Variants in SPG7 observed in about 807,000 individuals in gnomAD.
The protein encoded by SPG7 is SPG7 matrix AAA peptidase subunit, paraplegin.
In SPG7, 103 loss-of-function variants were observed where a neutral mutation model predicts 81.9. The ratio of observed to expected loss-of-function variants is 1.26; its 90% CI spans 1.07 to 1.48. The LOEUF (loss-of-function observed/expected upper bound fraction) is 1.48, where lower values mean the gene tolerates loss of function less well. Among genes scored for constraint, SPG7 ranks in the 40% most tolerant of loss-of-function variants. SPG7 has a pLI of 0.00. For missense variants in SPG7, 1,241 were observed against 1,087.3 expected, an observed-to-expected ratio of 1.14 and a Z score of -1.99; for synonymous variants, 534 against 444.2, an observed-to-expected ratio of 1.20 and a Z score of -2.54.
intron 5 of SPG7, chr16:89,528,986 A>AT: frequency 1.0e-5 from 2 of 191,966 alleles, no homozygotes; most frequent in South Asian, 9.0e-5. Flanking sequence ...TAATTTTTGT[A>AT]TTTTTTTAGT....
At chr16:89,534,252 A>G (rs1341781676) in intron 9 of SPG7, among the ~76,000 whole-genome samples, 2 of 152,094 alleles carry the variant, frequency 1.3e-5, no homozygotes, top group South Asian at 2.1e-4. Flanking sequence ...TTGGAGTCCT[A>G]CAGTGTCTGT....
chr16:89,544,187 C>G (rs1010874449), intron 9 of SPG7: 1 of 259,720 alleles, frequency 3.9e-6, no homozygotes, highest in Non-Finnish European at 7.6e-6. Context: ...TTTAAATTCT[C>G]CGATGACAAA....
In SPG7 at chr16:89,556,896, G is replaced by A. The variant is rs747521455; in HGVS notation, c.2191G>A (p.Ala731Thr). 2.8e-5 allele frequency: 45 copies of A among 1,613,536 alleles called. No homozygotes were observed. The highest frequency in any genetic ancestry group is 3.5e-5 in the Non-Finnish European group (41 of 1,179,648). Reference protein sequence around the residue: ...NLDKLQALANALLEKEVINYE... With the variant: ...NLDKLQALANTLLEKEVINYE... ...TGCCTGTTCTTTCTAGCTGGCAAAC[G>A]CCCTTCTGGAAAAGGAAGTGATAAA... Residue 731 changes from alanine to threonine, a missense_variant, in exon 17 of 17, where the codon GCC (alanine) becomes ACC (threonine). Coordinates refer to ENST00000645818, the MANE Select transcript of SPG7 (RefSeq NM_003119.4).
At chr16:89,515,958 C>G (rs879476931) in intron 3 of SPG7, among the ~76,000 whole-genome samples, 2 of 151,890 alleles carry the variant, frequency 1.3e-5, no homozygotes, top group African/African-American at 4.8e-5. Context: ...ATCTGCCCAT[C>G]TTGGCCTTCC....
chr16:89,554,387 G>A, intron 15 of SPG7, 99 bp from the exon 16 acceptor site: 2 of 812,386 alleles, frequency 2.5e-6, no homozygotes, highest in Non-Finnish European at 2.1e-6. Context: ...CTCCTGGGAG[G>A]GGAAAGGCCG....
At chr16:89,532,784 A>AG (rs2058363018) in intron 9 of SPG7, 148 bp downstream of exon 9, 1 of 966,310 alleles carries the variant, frequency 1.0e-6, no homozygotes, top group Non-Finnish European at 1.6e-6. Flanking sequence ...AAAAAAAAAA[A>AG]TAGAAATGTA....
At chr16:89,529,002 T>G in intron 5 of SPG7, 1 of 212,164 alleles carries the variant, frequency 4.7e-6, no homozygotes, top group South Asian at 6.9e-5. Context: ...TTAGTAGATA[T>G]GGGGTTTTAC....
At chr16:89,531,495 TCCC>T (rs753055556) in intron 7 of SPG7, 7 of 239,366 alleles carry the variant, frequency 2.9e-5, no homozygotes, top group Admixed American at 2.0e-4. Flanking sequence ...TGCCTCAGCC[TCCC>T]GAGTAGCAGG....
chr16:89,544,850 A>T, intron 10 of SPG7, 78 bp downstream of exon 10: 1 of 1,554,134 alleles, frequency 6.4e-7, no homozygotes, highest in Non-Finnish European at 8.8e-7. Flanking sequence ...CCTCTCCTCT[A>T]AGACACTTCT....
chr16:89,524,314 G>T, intron 4 of SPG7, 67 bp downstream of exon 4: 1 of 1,544,180 alleles, frequency 6.5e-7, no homozygotes, highest in South Asian at 1.2e-5. Context: ...GTGAGAGTGA[G>T]GCTGTGGGCT....
At chr16:89,551,601 G>C (rs2058634728) in intron 13 of SPG7, 1 of 152,226 alleles carries the variant, frequency 6.6e-6, no homozygotes, top group South Asian at 2.1e-4. Flanking sequence ...TGAACACGAC[G>C]TTTTAACACG....
At chr16:89,528,122 G>T (rs2152401227) in intron 5 of SPG7, among the ~76,000 whole-genome samples, 1 of 150,766 alleles carries the variant, frequency 6.6e-6, no homozygotes. Context: ...CGGGCGCGGT[G>T]GCTCACGCCT....
chr16:89,551,210 G>A (rs1049033591), intron 13 of SPG7: 3 of 175,652 alleles, frequency 1.7e-5, no homozygotes, highest in African/African-American at 7.1e-5. Context: ...GTCTCTACTC[G>A]GAACGCAGGT....
chr16:89,523,101 A>G (rs1207539585), intron 3 of SPG7: 1 of 157,156 alleles, frequency 6.4e-6, no homozygotes, highest in Non-Finnish European at 1.4e-5. Context: ...CTGAGAGCTA[A>G]GCATAATGCC....
chr16:89,545,818 C>A, intron 10 of SPG7: 1 of 395,664 alleles, frequency 2.5e-6, no homozygotes, highest in Non-Finnish European at 5.0e-6. Flanking sequence ...GCTTCATTAG[C>A]TATTCTGCTA....
Position 89,532,055 on chromosome 16 carries a change from A to T in SPG7, c.1139A>T (p.Glu380Val). The change falls in exon 8 of 17, where the codon GAG becomes GTG. Residue 380 changes from glutamate to valine, a missense_variant. Glu to Val is a moderately radical substitution (Grantham distance 121, BLOSUM62 -2). Coordinates refer to ENST00000645818, the MANE Select transcript of SPG7 (RefSeq NM_003119.4). ...FLAMAGPEFV[E>V]VIGGLGAARV... ...GCGATGGCCGGCCCAGAGTTCGTGG[A>T]GGTCATTGGAGGTAGGTGCTGTGGT... 6.2e-7 allele frequency: 1 copy of T among 1,611,866 alleles called. No homozygotes were observed. The highest frequency in any genetic ancestry group is 8.5e-7 in the Non-Finnish European group (1 of 1,179,676).
chr16:89,509,666 G>A (rs1364092870), intron 1 of SPG7, among the ~76,000 whole-genome samples: 1 of 152,214 alleles, frequency 6.6e-6, no homozygotes, highest in Admixed American at 6.5e-5. Flanking sequence ...TCTGGTGACA[G>A]CAGGAGCCCC....
chr16:89,530,528 CTG>C (rs1451435350), intron 6 of SPG7, 153 bp from the exon 7 acceptor site: 2 of 819,652 alleles, frequency 2.4e-6, no homozygotes, highest in Admixed American at 1.7e-5. Context: ...TGAAGACTGA[CTG>C]TGAGCCTCGT....
Position 89,557,152 on chromosome 16 carries a change from C to T in SPG7, c.*59C>T, listed in dbSNP as rs1341998704. On this transcript the variant is annotated 3_prime_UTR_variant, in exon 17 of 17. Transcript: ENST00000645818. ...GGGAAGTGAGGGCTCACTCAGCCACCCTGAGTTGCTTTTCAGCTGAGGTTT... is the reference window on the plus strand; with the variant it reads ...GGGAAGTGAGGGCTCACTCAGCCACTCTGAGTTGCTTTTCAGCTGAGGTTT... 3.8e-5 allele frequency: 52 copies of T among 1,364,318 alleles called. No homozygotes were observed. The highest frequency in any genetic ancestry group is 5.4e-5 in the Non-Finnish European group (52 of 964,264). The allele number at this position is 1,364,318 out of a possible 1,614,324, so 84.5% of individuals were successfully genotyped here.
Sources: allele counts gnomAD v4.1 joint callset (sites outside exome capture counted in the v4.1 genomes callset), GRCh38; gene constraint gnomAD v4.1.1; transcripts MANE v1.5; gene names NCBI Gene and HGNC (gene_info 2026-07-23, HGNC 2026-07-21).